Variants in MYO10 observed in about 807,000 individuals in gnomAD.
The protein encoded by MYO10 is unconventional myosin-X.
MYO10 carries 133 observed loss-of-function variants against 257.3 expected under a neutral mutation model. The ratio of observed to expected loss-of-function variants is 0.52; its 90% confidence interval spans 0.45 to 0.60. The LOEUF is 0.60. MYO10 is among the 20% of genes least tolerant of loss of function. The pLI, the probability that MYO10 is intolerant of heterozygous loss-of-function variation, is 0.00. For missense variants in MYO10, 2,399 were observed against 2,635.7 expected (o/e 0.91, Z 1.97); for synonymous variants, 1,104 against 1,028.6 (o/e 1.07, Z -1.40).
intron 1 of MYO10, among the ~76,000 whole-genome samples, chr5:16,890,652 C>A (rs184949387): frequency 6.6e-6 from 1 of 150,712 alleles, no homozygotes; most frequent in East Asian, 2.0e-4. Flanking sequence ...CCAGCCTGGC[C>A]AACACGGAGA....
At chr5:16,767,734 C>G (rs1740915929) in intron 10 of MYO10, among the ~76,000 whole-genome samples, 1 of 151,794 alleles carries the variant, frequency 6.6e-6, no homozygotes, top group East Asian at 2.0e-4. Flanking sequence ...CTATAGTGCA[C>G]TGGCATGATC....
At chr5:16,816,664 G>A (rs1405503160) in intron 3 of MYO10, among the ~76,000 whole-genome samples, 1 of 151,410 alleles carries the variant, frequency 6.6e-6, no homozygotes, top group African/African-American at 2.4e-5. Context: ...CCGAGTAGCT[G>A]GGATTACAGG....
chr5:16,909,428 C>T (rs762075491), intron 1 of MYO10, among the ~76,000 whole-genome samples: 4 of 150,994 alleles, frequency 2.6e-5, no homozygotes, highest in Non-Finnish European at 5.9e-5. Flanking sequence ...ATCGCTTGAA[C>T]CCAGGAGACG....
At chr5:16,813,458 G>T (rs756479612) in intron 3 of MYO10, among the ~76,000 whole-genome samples, 1 of 151,730 alleles carries the variant, frequency 6.6e-6, no homozygotes, top group Non-Finnish European at 1.5e-5. Flanking sequence ...CAGGCGAGAG[G>T]ATCACTGGAG....
chr5:16,822,825 C>T (rs1266297061), intron 2 of MYO10, among the ~76,000 whole-genome samples: 1 of 151,954 alleles, frequency 6.6e-6, no homozygotes, highest in Non-Finnish European at 1.5e-5. Context: ...GTAGCTGGGA[C>T]TACAGGCGCC....
intron 3 of MYO10, among the ~76,000 whole-genome samples, chr5:16,795,993 C>T (rs253370): frequency 0.56 from 85,187 of 151,518 alleles, 23,882 homozygotes; most frequent in South Asian, 0.65. Context: ...ACCAAGACCA[C>T]CCTGGCTAAC....
At chr5:16,876,599 G>A (rs1260782254) in intron 2 of MYO10, among the ~76,000 whole-genome samples, 5 of 152,138 alleles carry the variant, frequency 3.3e-5, no homozygotes, top group African/African-American at 9.7e-5. Context: ...CTGTCACCCA[G>A]ACCTGAGTGC....
In MYO10 at chr5:16,800,630, T is replaced by G. The variant is rs77685200; in HGVS notation, c.280-5797A>C. Among the ~76,000 whole-genome samples, 3,075 of 152,246 alleles carry G rather than the reference T, an allele frequency of 0.02. 155 individuals carry two copies. The East Asian group carries it at 0.21, about 11-fold the overall frequency. On this transcript the variant is annotated intron_variant, in intron 3 of 40. Transcript: ENST00000513610. ...CCCACAGCAAGTGAGGAAGACTCTA[T>G]CTTCTAATCTACAATGAAACCACCC...
chr5:16,729,803 T>C (rs1739514451), intron 19 of MYO10, among the ~76,000 whole-genome samples: 1 of 152,116 alleles, frequency 6.6e-6, no homozygotes, highest in African/African-American at 2.4e-5. Context: ...ACTCCAACTG[T>C]ACCCCAGCCA....
At chr5:16,762,143 A>AAAATATATATATATATAT (rs370443366) in intron 15 of MYO10, 30 bp from the exon 16 acceptor site, 1 of 1,055,752 alleles carries the variant, frequency 9.5e-7, no homozygotes, top group African/African-American at 1.6e-5. Context: ...AAAAAAAAAA[A>AAAATATATATATATATAT]ATACAATGCC....
At chr5:16,693,903 G>A (rs958640789) in intron 27 of MYO10, among the ~76,000 whole-genome samples, 1 of 152,178 alleles carries the variant, frequency 6.6e-6, no homozygotes, top group Non-Finnish European at 1.5e-5. Context: ...CTGGGAATGG[G>A]GATGGCTAGT....
In MYO10 at chr5:16,748,942, CCT is replaced by C. The variant is rs368176566; in HGVS notation, c.1929+5884_1929+5885del. 5.4e-3 allele frequency among the ~76,000 whole-genome samples: 817 copies of C among 152,012 alleles called. 5 individuals carry two copies. Among genetic ancestry groups the C allele is most frequent in the African/African-American group, 0.019 (786 of 41,482 alleles). On this transcript the variant is annotated intron_variant, in intron 19 of 40. Transcript: ENST00000513610. ...CCCCCAAAGTCCTTTACAGAAGACC[CCT>C]GTGTGAGATGGTTTACACATCCTCA...
rs893713124 is a variant in MYO10 at position 16,671,419 on chromosome 5, T to C, written c.5430+3A>G. On this transcript the variant is annotated splice_donor_region_variant and intron_variant, in intron 38 of 40. Transcript: ENST00000513610. ...GAAATCTGTTTCTAACTATTCCTTT[T>C]ACCTGTTCAAACATAAATGCAAACT... The C allele has an allele frequency of 6.2e-7, 1 of 1,613,910 alleles. No homozygotes were observed. The highest frequency in any genetic ancestry group is 8.5e-7 in the Non-Finnish European group (1 of 1,179,830).
intron 10 of MYO10, among the ~76,000 whole-genome samples, chr5:16,766,522 C>T (rs916540385): frequency 6.6e-6 from 1 of 152,058 alleles, no homozygotes; most frequent in African/African-American, 2.4e-5. Context: ...TTCTGCCTCC[C>T]GGGTTCACGC....
intron 2 of MYO10, among the ~76,000 whole-genome samples, chr5:16,829,263 T>C (rs1334080988): frequency 6.6e-6 from 1 of 152,126 alleles, no homozygotes; most frequent in Admixed American, 6.5e-5. Flanking sequence ...GCTTCTGACC[T>C]GAAGGACATG....
intron 1 of MYO10, among the ~76,000 whole-genome samples, chr5:16,924,353 A>G (rs183937852): frequency 1.0e-3 from 153 of 152,290 alleles, no homozygotes; most frequent in African/African-American, 3.6e-3. Flanking sequence ...CCGCTAATCA[A>G]TGTATTTCCT....
At chr5:16,886,511 G>A (rs1252127027) in intron 1 of MYO10, among the ~76,000 whole-genome samples, 1 of 152,204 alleles carries the variant, frequency 6.6e-6, no homozygotes, top group Non-Finnish European at 1.5e-5. Flanking sequence ...TAACTCCCCA[G>A]ACTGGCCTAT....
chr5:16,675,493 T>G (rs1736682134), intron 34 of MYO10, among the ~76,000 whole-genome samples: 1 of 152,136 alleles, frequency 6.6e-6, no homozygotes, highest in Non-Finnish European at 1.5e-5. Flanking sequence ...ATCTCAGCAC[T>G]TTGGGAGGCC....
intron 30 of MYO10, among the ~76,000 whole-genome samples, chr5:16,682,360 G>A (rs1737047942): frequency 6.6e-6 from 1 of 152,106 alleles, no homozygotes; most frequent in Admixed American, 6.6e-5. Context: ...ATTTCTTCCT[G>A]CCTTGGGTAA....
Sources: gnomAD v4.1 joint callset for allele counts (sites outside exome capture counted in the v4.1 genomes callset) on GRCh38, gnomAD v4.1.1 for gene constraint, MANE v1.5 for transcripts, NCBI Gene and HGNC (gene_info 2026-07-23, HGNC 2026-07-21) for gene names.